HS3ST3B1: variants seen among roughly 807,000 people sequenced by gnomAD.
HS3ST3B1 encodes the protein heparan sulfate-glucosamine 3-sulfotransferase 3B1.
HS3ST3B1 carries 13 observed loss-of-function variants against 21.3 expected under a neutral mutation model. The ratio of observed to expected loss-of-function variants is 0.61; its 90% confidence interval spans 0.40 to 0.97. The LOEUF (loss-of-function observed/expected upper bound fraction) is 0.97, where lower values mean the gene tolerates loss of function less well. HS3ST3B1 is among the 50% of genes least tolerant of loss of function. The probability of loss-of-function intolerance (pLI) is 0.00; values close to 1 mark genes in which losing one functional copy is unlikely to be tolerated. For synonymous variants in HS3ST3B1, 234 were observed against 254.8 expected (o/e 0.92, Z 0.78); for missense variants, 459 against 554.8 (o/e 0.83, Z 1.73).
chr17:14,332,829 CTTTTTTTTTTT>C (rs71147859), intron 1 of HS3ST3B1, among the ~76,000 whole-genome samples: 2 of 91,040 alleles, frequency 2.2e-5, no homozygotes, highest in Middle Eastern at 7.6e-3. Context: ...GACCTTTTAT[CTTTTTTTTTTT>C]TTTTTTTTTT....
rs1267057611 is a variant in HS3ST3B1, at chr17:14,309,016, G to A, written c.554+6944G>A. ...ACTCTTGATTTAATGAATGGAGCTG[G>A]GGGGAGAGCCGCCCCCCTTTTTCAG... On this transcript the variant is annotated intron_variant, in intron 1 of 1. Transcript: ENST00000360954. Among the ~76,000 whole-genome samples, 4 of 152,350 alleles carry A rather than the reference G, an allele frequency of 2.6e-5. No individual in the cohort carries two copies. The East Asian group carries it at 7.7e-4, about 29-fold the overall frequency.
chr17:14,311,651 G>A (rs920539254), intron 1 of HS3ST3B1, among the ~76,000 whole-genome samples: 41 of 152,224 alleles, frequency 2.7e-4, no homozygotes, highest in Non-Finnish European at 5.1e-4. Context: ...TATCATTCAG[G>A]GTAGTTTTAC....
At chr17:14,306,006 C>T (rs1365648673) in intron 1 of HS3ST3B1, among the ~76,000 whole-genome samples, 2 of 152,130 alleles carry the variant, frequency 1.3e-5, no homozygotes, top group African/African-American at 2.4e-5. Flanking sequence ...CGTTCTGGAC[C>T]ATTCTGGATC....
chr17:14,329,315 G>GAGAAAGAAGGAA, intron 1 of HS3ST3B1: 2 of 94,778 alleles, frequency 2.1e-5, no homozygotes, highest in East Asian at 6.2e-4. Context: ...GAGAGAAAGA[G>GAGAAAGAAGGAA]AGAAAGAAAG....
intron 1 of HS3ST3B1, among the ~76,000 whole-genome samples, chr17:14,305,894 G>A (rs1909124074): frequency 6.6e-6 from 1 of 152,162 alleles, no homozygotes; most frequent in South Asian, 2.1e-4. Flanking sequence ...TTTTACAGGT[G>A]AGGAAACACA....
intron 1 of HS3ST3B1, among the ~76,000 whole-genome samples, chr17:14,320,257 A>C (rs976104688): frequency 6.6e-6 from 1 of 152,178 alleles, no homozygotes; most frequent in Admixed American, 6.5e-5. Context: ...ATTTCAATCT[A>C]TCTAGGCGGG....
intron 1 of HS3ST3B1, among the ~76,000 whole-genome samples, chr17:14,315,152 A>G (rs1909457332): frequency 6.6e-6 from 1 of 152,114 alleles, no homozygotes; most frequent in African/African-American, 2.4e-5. Flanking sequence ...TAGTCAGGTC[A>G]CTCAGTCATT....
chr17:14,318,711 GGGT>G (rs1696500033), intron 1 of HS3ST3B1, among the ~76,000 whole-genome samples: 1 of 152,174 alleles, frequency 6.6e-6, no homozygotes, highest in Non-Finnish European at 1.5e-5. Flanking sequence ...CACTGTGGCT[GGGT>G]GGCTCCCTGC....
intron 1 of HS3ST3B1, among the ~76,000 whole-genome samples, chr17:14,322,898 C>CTTTTTTTTTTTTTTTTTT (rs34065582): frequency 1.1e-5 from 1 of 94,586 alleles, no homozygotes; most frequent in African/African-American, 3.7e-5. Flanking sequence ...GTGTCTATGT[C>CTTTTTTTTTTTTTTTTTT]TTTTTTTTTT....
At position 14,346,567 on chromosome 17, in the gene HS3ST3B1, T is replaced by A. The variant is rs1184480553; in HGVS notation, c.*921T>A. On this transcript the variant is annotated 3_prime_UTR_variant, in exon 2 of 2. Coordinates refer to ENST00000360954, the MANE Select transcript of HS3ST3B1 (RefSeq NM_006041.3). ...GCCCGCTATCCACATCCTTCTAGAG[T>A]CAGAATGGTAGGGTCTGTTGACTTC... 2 of 152,210 alleles carry A rather than the reference T, an allele frequency of 1.3e-5. No homozygotes were observed. The highest frequency in any genetic ancestry group is 4.8e-5 in the African/African-American group (2 of 41,394). 9.4% of individuals were successfully genotyped at this position (152,210 alleles called of 1,614,324 possible).
In HS3ST3B1 at chr17:14,333,857, G is replaced by A. The variant is rs138930438; in HGVS notation, c.555-11171G>A. On this transcript the variant is annotated intron_variant, in intron 1 of 1. Coordinates refer to ENST00000360954, the MANE Select transcript of HS3ST3B1 (RefSeq NM_006041.3). ...TCTTGGCTCACCGCAACCTCTCCCGGGTTCAAGCGATTCTCCTGCCTCAGC... is the reference window on the plus strand; with the variant it reads ...TCTTGGCTCACCGCAACCTCTCCCGAGTTCAAGCGATTCTCCTGCCTCAGC... 4.3e-3 allele frequency among the ~76,000 whole-genome samples: 654 copies of A among 151,998 alleles called. 7 individuals carry two copies. The highest frequency in any genetic ancestry group is 0.015 in the African/African-American group (603 of 41,472).
chr17:14,322,888 G>C (rs1231152215), intron 1 of HS3ST3B1, among the ~76,000 whole-genome samples: 1 of 131,890 alleles, frequency 7.6e-6, no homozygotes, highest in Non-Finnish European at 1.6e-5. Flanking sequence ...AGCGAGATTT[G>C]TGTCTATGTC....
chr17:14,344,309 C>T (rs1019921708), intron 1 of HS3ST3B1, among the ~76,000 whole-genome samples: 3 of 152,170 alleles, frequency 2.0e-5, no homozygotes, highest in Non-Finnish European at 4.4e-5. Context: ...TTGCATGATG[C>T]TGACGTTTGG....
At chr17:14,326,585 T>TA (rs888258983) in intron 1 of HS3ST3B1, among the ~76,000 whole-genome samples, 5 of 152,140 alleles carry the variant, frequency 3.3e-5, no homozygotes, top group Non-Finnish European at 7.3e-5. Context: ...TGTTCCTAAA[T>TA]AGGAGCATCT....
chr17:14,315,022 T>G (rs990818752), intron 1 of HS3ST3B1, among the ~76,000 whole-genome samples: 2 of 152,234 alleles, frequency 1.3e-5, no homozygotes, highest in African/African-American at 4.8e-5. Context: ...GAAATCACCT[T>G]GATGAAATCA....
At chr17:14,312,298 G>C (rs935252788) in intron 1 of HS3ST3B1, among the ~76,000 whole-genome samples, 1 of 152,010 alleles carries the variant, frequency 6.6e-6, no homozygotes, top group Non-Finnish European at 1.5e-5. Context: ...TGGACCTAAG[G>C]AAGAAGGGAA....
At chr17:14,330,608 A>G (rs1027371943) in intron 1 of HS3ST3B1, among the ~76,000 whole-genome samples, 3 of 143,498 alleles carry the variant, frequency 2.1e-5, no homozygotes, top group African/African-American at 5.3e-5. Context: ...AGGTTTAGTG[A>G]TTTTCATCAA....
In HS3ST3B1 at chr17:14,345,696, A is replaced by T; in HGVS notation, c.*50A>T. 6.4e-7 allele frequency: 1 copy of T among 1,557,514 alleles called. No homozygotes were observed. The highest frequency in any genetic ancestry group is 8.7e-7 in the Non-Finnish European group (1 of 1,153,576). ...CCACGTGGCTTATCTATTGACAGAG[A>T]TTATATGTATGTAAAATGTACAGAA... On this transcript the variant is annotated 3_prime_UTR_variant, in exon 2 of 2. Coordinates refer to ENST00000360954, the MANE Select transcript of HS3ST3B1 (RefSeq NM_006041.3).
At chr17:14,313,851 T>A (rs1350928983) in intron 1 of HS3ST3B1, among the ~76,000 whole-genome samples, 1 of 152,156 alleles carries the variant, frequency 6.6e-6, no homozygotes, top group African/African-American at 2.4e-5. Context: ...ATTACAGGCG[T>A]GAGCCACCGC....
Sources: gnomAD v4.1 joint callset for allele counts (sites outside exome capture counted in the v4.1 genomes callset) on GRCh38, gnomAD v4.1.1 for gene constraint, MANE v1.5 for transcripts, NCBI Gene and HGNC (gene_info 2026-07-23, HGNC 2026-07-21) for gene names.